Variants in DPF3 observed in about 807,000 individuals in gnomAD.
DPF3 encodes zinc finger protein DPF3.
Under a neutral mutation model 56.8 loss-of-function variants are expected in DPF3, and 18 were observed. The ratio of observed to expected loss-of-function variants is 0.32; its 90% CI spans 0.22 to 0.47. DPF3 has a LOEUF of 0.47. DPF3 is among the 20% of genes least tolerant of loss of function. The probability of loss-of-function intolerance (pLI) is 1.00; values close to 1 mark genes in which losing one functional copy is unlikely to be tolerated. For synonymous variants in DPF3, 188 were observed against 180.2 expected, an observed-to-expected ratio of 1.04 and a Z score of -0.35; for missense variants, 403 against 488.8, an observed-to-expected ratio of 0.82 and a Z score of 1.65.
rs1266853504 is a variant in DPF3, at chr14:72,619,222, G to A, written c.*75C>T. On this transcript the variant is annotated 3_prime_UTR_variant, in exon 11 of 11. Transcript: ENST00000556509. ...GTTGGTCTGGCTGGATATGTGGGAGGAGGGCGCGTTCTGGTTTGAACTGGG... is the reference window on the plus strand; with the variant it reads ...GTTGGTCTGGCTGGATATGTGGGAGAAGGGCGCGTTCTGGTTTGAACTGGG... 7.1e-7 allele frequency: 1 copy of A among 1,415,440 alleles called. No homozygotes were observed. Among genetic ancestry groups the A allele is most frequent in the Non-Finnish European group, 9.6e-7 (1 of 1,046,122 alleles). The allele number at this position is 1,415,440 out of a possible 1,614,324, so 87.7% of individuals were successfully genotyped here.
At chr14:72,715,131 T>G (rs1397132167) in intron 5 of DPF3, among the ~76,000 whole-genome samples, 1 of 152,194 alleles carries the variant, frequency 6.6e-6, no homozygotes, top group Non-Finnish European at 1.5e-5. Context: ...GGGGTGGGCT[T>G]TGGCTAAGGC....
Position 72,733,903 on chromosome 14 carries a change from A to G in DPF3, c.302-1969T>C, listed in dbSNP as rs1158179921. On this transcript the variant is annotated intron_variant, in intron 3 of 10. Coordinates refer to ENST00000556509, the MANE Select transcript of DPF3 (RefSeq NM_001280542.3). The stretch of plus-strand genomic sequence containing the variant: ...ACACCTGTGGGTGACCGGCCCCCAG[A>G]AAAAGAAGGTGGGAAGGAGAAACAG... 2.6e-5 allele frequency among the ~76,000 whole-genome samples: 4 copies of G among 152,204 alleles called. No individual in the cohort carries two copies. The East Asian group carries it at 7.7e-4, about 29-fold the overall frequency.
rs147773011 is a variant in DPF3 at position 72,866,855 on chromosome 14, C to T, written c.32+27202G>A. On this transcript the variant is annotated intron_variant, in intron 1 of 10. Transcript: ENST00000556509. Reference sequence around the variant, plus strand: ...TGGGCAACAAGAGCGAAACTCCATCCGACTCGTGATCCACCCGACTCGGCC... The same window carrying T: ...TGGGCAACAAGAGCGAAACTCCATCTGACTCGTGATCCACCCGACTCGGCC... 2.4e-3 allele frequency among the ~76,000 whole-genome samples: 358 copies of T among 149,936 alleles called. 8 individuals carry two copies. The highest frequency in any genetic ancestry group is 8.0e-3 in the African/African-American group (326 of 40,994).
At chr14:72,754,915 C>A (rs1890729279) in intron 2 of DPF3, among the ~76,000 whole-genome samples, 2 of 152,210 alleles carry the variant, frequency 1.3e-5, no homozygotes, top group African/African-American at 4.8e-5. Context: ...GTTCTGACCA[C>A]CCCACCCCTT....
intron 1 of DPF3, among the ~76,000 whole-genome samples, chr14:72,842,529 C>A (rs1285779061): frequency 4.6e-5 from 7 of 152,148 alleles, no homozygotes; most frequent in Non-Finnish European, 1.0e-4. Context: ...AGAATAGTCA[C>A]CCTTGGTGGG....
At chr14:72,800,146 G>C (rs1003643769) in intron 1 of DPF3, among the ~76,000 whole-genome samples, 1 of 152,118 alleles carries the variant, frequency 6.6e-6, no homozygotes, top group Non-Finnish European at 1.5e-5. Context: ...AATACCTCTA[G>C]GCTGCTTGAA....
At chr14:72,657,960 G>A (rs1489305207) in intron 8 of DPF3, among the ~76,000 whole-genome samples, 1 of 151,826 alleles carries the variant, frequency 6.6e-6, no homozygotes, top group Non-Finnish European at 1.5e-5. Context: ...CCCAACAAAA[G>A]AAAACAAAAC....
chr14:72,701,213 T>C (rs1336405248), intron 6 of DPF3, among the ~76,000 whole-genome samples: 1 of 152,216 alleles, frequency 6.6e-6, no homozygotes, highest in Non-Finnish European at 1.5e-5. Flanking sequence ...CCACCACCCC[T>C]GGGACCAGTC....
chr14:72,740,911 A>G (rs1010139312), intron 3 of DPF3, among the ~76,000 whole-genome samples: 5 of 152,166 alleles, frequency 3.3e-5, no homozygotes, highest in African/African-American at 7.2e-5. Flanking sequence ...TTAAAAGGCT[A>G]TAAGACAGAG....
In DPF3 at chr14:72,617,366, G is replaced by A. The variant is rs1246403833; in HGVS notation, c.*1931C>T. On this transcript the variant is annotated 3_prime_UTR_variant, in exon 11 of 11. Coordinates refer to ENST00000556509, the MANE Select transcript of DPF3 (RefSeq NM_001280542.3). Reference sequence around the variant, plus strand: ...AGACAGCCTGCTTTGGGTTTTGTGGGAAGAGAGAGAGCTGGAGTAGTCAGG... The same window carrying A: ...AGACAGCCTGCTTTGGGTTTTGTGGAAAGAGAGAGAGCTGGAGTAGTCAGG... 1.3e-5 allele frequency among the ~76,000 whole-genome samples: 2 copies of A among 152,144 alleles called. No homozygotes were observed. Among genetic ancestry groups the A allele is most frequent in the Non-Finnish European group, 2.9e-5 (2 of 68,034 alleles).
chr14:72,629,820 C>T (rs1885061756), intron 8 of DPF3, 84 bp from the exon 9 acceptor site: 2 of 1,126,488 alleles, frequency 1.8e-6, no homozygotes, highest in East Asian at 2.6e-5. Flanking sequence ...CACATTGATG[C>T]CCAGTGTGCA....
intron 1 of DPF3, among the ~76,000 whole-genome samples, chr14:72,893,241 A>G (rs965915583): frequency 6.6e-6 from 1 of 151,892 alleles, no homozygotes; most frequent in African/African-American, 2.4e-5. Flanking sequence ...CGCCTGCCTC[A>G]GCGCCTCACC....
chr14:72,786,212 G>A (rs144648781), intron 1 of DPF3, among the ~76,000 whole-genome samples: 5,784 of 151,934 alleles, frequency 0.038, 387 homozygotes, highest in African/African-American at 0.13. Flanking sequence ...GCAGTGAGCC[G>A]AGATTGTGCC....
At chr14:72,856,533 C>T (rs75605620) in intron 1 of DPF3, among the ~76,000 whole-genome samples, 107 of 152,290 alleles carry the variant, frequency 7.0e-4, no homozygotes, top group Non-Finnish European at 1.1e-3. Context: ...AGGGAAACTG[C>T]ATTCCAAGAA....
chr14:72,773,947 G>A (rs1419470207), intron 1 of DPF3: 3 of 455,170 alleles, frequency 6.6e-6, no homozygotes, highest in South Asian at 1.5e-5. Flanking sequence ...TAGCTATTCT[G>A]AATAATGCTG....
chr14:72,736,177 G>A (rs1889887089), intron 3 of DPF3, among the ~76,000 whole-genome samples: 3 of 152,116 alleles, frequency 2.0e-5, no homozygotes, highest in Admixed American at 6.5e-5. Context: ...TATTGTATCC[G>A]ATCTGGTATT....
At chr14:72,787,664 G>A (rs938057921) in intron 1 of DPF3, among the ~76,000 whole-genome samples, 10 of 152,276 alleles carry the variant, frequency 6.6e-5, no homozygotes, top group Non-Finnish European at 1.3e-4. Flanking sequence ...TCTCAAAAGC[G>A]CCCTTGCTTG....
chr14:72,881,921 G>C (rs1456197331), intron 1 of DPF3, among the ~76,000 whole-genome samples: 1 of 151,800 alleles, frequency 6.6e-6, no homozygotes, highest in East Asian at 1.9e-4. Context: ...CTTTGGAGAG[G>C]GAGAAAATGA....
At chr14:72,696,506 T>C (rs1393392752) in intron 6 of DPF3, among the ~76,000 whole-genome samples, 1 of 152,244 alleles carries the variant, frequency 6.6e-6, no homozygotes, top group Non-Finnish European at 1.5e-5. Context: ...TATGTTGACA[T>C]ATACATACTA....
Sources: gnomAD v4.1 joint callset for allele counts (sites outside exome capture counted in the v4.1 genomes callset) on GRCh38, gnomAD v4.1.1 for gene constraint, MANE v1.5 for transcripts, NCBI Gene and HGNC (gene_info 2026-07-23, HGNC 2026-07-21) for gene names.